Variants in BRINP3 observed in about 807,000 individuals in gnomAD.
The protein encoded by BRINP3 is BMP/retinoic acid-inducible neural-specific protein 3.
In BRINP3, 19 loss-of-function variants were observed where a neutral mutation model predicts 71.0. The observed-to-expected ratio is 0.27, with a 90% CI of 0.19 to 0.39. The LOEUF is 0.39. Among genes scored for constraint, BRINP3 ranks in the 10% least tolerant of loss-of-function variants. The pLI is 1.00. For missense variants in BRINP3, 959 were observed against 940.8 expected (o/e 1.02, Z -0.25); for synonymous variants, 380 against 337.7 (o/e 1.13, Z -1.37).
chr1:190,359,429 A>G (rs1285542348), intron 2 of BRINP3, among the ~76,000 whole-genome samples: 1 of 152,064 alleles, frequency 6.6e-6, no homozygotes, highest in East Asian at 1.9e-4. Flanking sequence ...CCATGTAGAC[A>G]TTTATCAATT....
intron 2 of BRINP3, among the ~76,000 whole-genome samples, chr1:190,399,216 A>G (rs941912276): frequency 7.9e-5 from 12 of 152,044 alleles, no homozygotes; most frequent in African/African-American, 9.6e-5. Context: ...TTAATTAAAA[A>G]CACACCCTCA....
Position 190,380,989 on chromosome 1 carries a change from T to C in BRINP3, c.236+73666A>G, listed in dbSNP as rs1670511759. Among the ~76,000 whole-genome samples the C allele has an allele frequency of 3.3e-5, 5 of 152,058 alleles. No individual in the cohort carries two copies. In the South Asian group the frequency reaches 1.0e-3, roughly 31 times the overall value. On this transcript the variant is annotated intron_variant, in intron 2 of 7. Coordinates refer to ENST00000367462, the MANE Select transcript of BRINP3 (RefSeq NM_199051.3). Reference sequence around the variant, plus strand: ...GTCCAGTTATGCATATTTTTTACCATTGAGAAATATGAGCCTCAAAAATAC... The same window carrying C: ...GTCCAGTTATGCATATTTTTTACCACTGAGAAATATGAGCCTCAAAAATAC...
rs75609683 is a variant in BRINP3, at chr1:190,255,238, T to C, written c.618+9627A>G. 8.2e-4 allele frequency among the ~76,000 whole-genome samples: 119 copies of C among 145,150 alleles called. 1 individual carries two copies. The highest frequency in any genetic ancestry group is 3.5e-3 in the Middle Eastern group (1 of 282). On this transcript the variant is annotated intron_variant, in intron 4 of 7. Transcript: ENST00000367462. ...GGGATATTGGTCTAAAATTCTCTCT[T>C]TTTTTTTTTTTTTGTTGTGTCTCTG...
chr1:190,212,539 A>G (rs2102654725), intron 6 of BRINP3, among the ~76,000 whole-genome samples: 2 of 152,238 alleles, frequency 1.3e-5, no homozygotes, highest in Non-Finnish European at 2.9e-5. Context: ...GATACAGATT[A>G]TGATGTTTTC....
chr1:190,394,591 T>C (rs894577538), intron 2 of BRINP3, among the ~76,000 whole-genome samples: 1 of 151,514 alleles, frequency 6.6e-6, no homozygotes, highest in Non-Finnish European at 1.5e-5. Flanking sequence ...AAATATCACA[T>C]ATCTATTACT....
chr1:190,162,918 G>T (rs548084440), intron 6 of BRINP3, among the ~76,000 whole-genome samples: 1 of 152,006 alleles, frequency 6.6e-6, no homozygotes, highest in African/African-American at 2.4e-5. Flanking sequence ...AACACCTGTT[G>T]TGCACAGTAC....
intron 4 of BRINP3, among the ~76,000 whole-genome samples, chr1:190,259,941 C>A (rs1661028528): frequency 6.6e-6 from 1 of 150,858 alleles, no homozygotes; most frequent in African/African-American, 2.4e-5. Flanking sequence ...GATAGGAGAA[C>A]TGCTTGAGCC....
intron 4 of BRINP3, among the ~76,000 whole-genome samples, chr1:190,251,127 T>C (rs1056592269): frequency 1.3e-5 from 2 of 151,874 alleles, no homozygotes; most frequent in African/African-American, 4.8e-5. Context: ...GTTCCCTTTT[T>C]AGCAATTGGT....
intron 2 of BRINP3, among the ~76,000 whole-genome samples, chr1:190,357,462 G>A (rs1166991400): frequency 6.6e-6 from 1 of 151,970 alleles, no homozygotes; most frequent in African/African-American, 2.4e-5. Context: ...TTTGGGTGCT[G>A]AATTTATGGC....
In BRINP3 at chr1:190,357,159, G is replaced by T. The variant is rs556020628; in HGVS notation, c.237-75409C>A. Among the ~76,000 whole-genome samples, 438 of 152,070 alleles carry T rather than the reference G, an allele frequency of 2.9e-3. 2 individuals are homozygous for T. The highest frequency in any genetic ancestry group is 6.0e-3 in the Admixed American group (91 of 15,246). The stretch of plus-strand genomic sequence containing the variant: ...TATCAGTCAGGTTAGAAGTGATAAT[G>T]TAACTATAAGTTTTTTCAGATCAGT... On this transcript the variant is annotated intron_variant, in intron 2 of 7. Transcript: ENST00000367462.
At chr1:190,188,612 A>AT (rs59538980) in intron 6 of BRINP3, among the ~76,000 whole-genome samples, 24,296 of 150,726 alleles carry the variant, frequency 0.16, 3,104 homozygotes, top group African/African-American at 0.34. Flanking sequence ...TGAAAACATC[A>AT]TTTTTTTTTC....
rs1663844684 is a variant in BRINP3 at position 190,291,272 on chromosome 1, C to T, written c.237-9522G>A. 2.6e-5 allele frequency among the ~76,000 whole-genome samples: 4 copies of T among 151,850 alleles called. No homozygotes were observed. The South Asian group carries it at 8.3e-4, about 31-fold the overall frequency. ...ACTTTAATAGGTGATATAGTATAGT[C>T]CAAACTCTGAGCTCAGGGTGCAGAG... is the stretch of plus-strand genomic sequence containing the variant. On this transcript the variant is annotated intron_variant, in intron 2 of 7. Transcript: ENST00000367462.
intron 2 of BRINP3, among the ~76,000 whole-genome samples, chr1:190,286,869 A>G (rs553016753): frequency 1.1e-4 from 16 of 152,096 alleles, no homozygotes; most frequent in Non-Finnish European, 1.9e-4. Context: ...ACTAATGTCA[A>G]TATTGGCTCC....
chr1:190,220,335 T>G (rs1411016720), intron 6 of BRINP3, among the ~76,000 whole-genome samples: 1 of 151,920 alleles, frequency 6.6e-6, no homozygotes, highest in Non-Finnish European at 1.5e-5. Flanking sequence ...ATGTGGGAGT[T>G]GAACAATGAG....
intron 2 of BRINP3, among the ~76,000 whole-genome samples, chr1:190,451,447 A>G (rs141538525): frequency 6.5e-4 from 99 of 152,330 alleles, no homozygotes; most frequent in African/African-American, 2.2e-3. Flanking sequence ...TAGTGTTTCT[A>G]GAATACAACT....
intron 2 of BRINP3, among the ~76,000 whole-genome samples, chr1:190,376,707 TATTA>T (rs1228230887): frequency 1.3e-5 from 2 of 152,076 alleles, no homozygotes; most frequent in African/African-American, 4.8e-5. Flanking sequence ...CTGTTATGAA[TATTA>T]ATTGATAGTG....
chr1:190,297,780 G>A (rs1319088538), intron 2 of BRINP3, among the ~76,000 whole-genome samples: 2 of 40,502 alleles, frequency 4.9e-5, no homozygotes, highest in Non-Finnish European at 7.7e-5. Context: ...CTGTTTTCTC[G>A]TGTGTGTGTG....
At chr1:190,272,943 T>G (rs956402424) in intron 3 of BRINP3, among the ~76,000 whole-genome samples, 1 of 151,524 alleles carries the variant, frequency 6.6e-6, no homozygotes, top group Admixed American at 6.6e-5. Context: ...CTTGTTGCCT[T>G]GTGCTAACCT....
chr1:190,449,683 G>C (rs1675475552), intron 2 of BRINP3, among the ~76,000 whole-genome samples: 1 of 152,102 alleles, frequency 6.6e-6, no homozygotes, highest in Admixed American at 6.6e-5. Context: ...GTTGATCAGT[G>C]CCTCCAAATC....
Sources: gnomAD v4.1 joint callset for allele counts (sites outside exome capture counted in the v4.1 genomes callset) on GRCh38, gnomAD v4.1.1 for gene constraint, MANE v1.5 for transcripts, NCBI Gene and HGNC (gene_info 2026-07-23, HGNC 2026-07-21) for gene names.